Variants in PKD2L2 observed in about 807,000 individuals in gnomAD.
The protein encoded by PKD2L2 is polycystin-2-like protein 2.
A neutral mutation model predicts 83.9 loss-of-function variants in PKD2L2; 67 were observed. The ratio of observed to expected loss-of-function variants is 0.80; its 90% CI spans 0.66 to 0.98. The LOEUF (loss-of-function observed/expected upper bound fraction) is 0.98, where lower values mean the gene tolerates loss of function less well. Ranked by LOEUF, PKD2L2 falls within the 50% of genes least tolerant of loss-of-function variation. The probability of loss-of-function intolerance (pLI) is 0.00; values close to 1 mark genes in which losing one functional copy is unlikely to be tolerated. For synonymous variants in PKD2L2, 223 were observed against 237.8 expected, an observed-to-expected ratio of 0.94 and a Z score of 0.57; for missense variants, 632 against 717.2, an observed-to-expected ratio of 0.88 and a Z score of 1.36.
At chr5:137,905,133 T>C (rs1382226919) in intron 5 of PKD2L2, among the ~76,000 whole-genome samples, 3 of 152,204 alleles carry the variant, frequency 2.0e-5, no homozygotes, top group Non-Finnish European at 4.4e-5. Flanking sequence ...GCCCTTGTAA[T>C]ATAAGATTAA....
chr5:137,900,556 G>A (rs533808856), intron 5 of PKD2L2, among the ~76,000 whole-genome samples: 86 of 152,186 alleles, frequency 5.7e-4, no homozygotes, highest in Non-Finnish European at 1.1e-3. Flanking sequence ...AGAAACTAAG[G>A]ACCATTGCCC....
intron 4 of PKD2L2, among the ~76,000 whole-genome samples, chr5:137,897,047 AT>A (rs1756542576): frequency 6.9e-6 from 1 of 145,802 alleles, no homozygotes; most frequent in Non-Finnish European, 1.5e-5. Flanking sequence ...TATTATTATT[AT>A]TATTATTATT....
chr5:137,924,471 T>G (rs527601550), intron 10 of PKD2L2, among the ~76,000 whole-genome samples: 2 of 152,052 alleles, frequency 1.3e-5, no homozygotes, highest in South Asian at 4.2e-4. Context: ...CCTGTCCTCT[T>G]CTCAGTATCT....
In PKD2L2 at chr5:137,892,524, GTTA is replaced by G; in HGVS notation, c.180_182del (p.Met61del). 3.1e-6 allele frequency: 5 copies of G among 1,603,546 alleles called. No homozygotes were observed. Among genetic ancestry groups the G allele is most frequent in the Non-Finnish European group, 4.3e-6 (5 of 1,172,254 alleles). On this transcript the variant is annotated inframe_deletion, in exon 3 of 15. Transcript: ENST00000508883. ...CCCACATATGTATTACTTAAACAAG[GTTA>G]TGTCATCTCTATTTTTGGACACTTC...
rs767032812 is a variant in PKD2L2, at chr5:137,936,442, T to C, written c.*17+15T>C. 2.8e-5 allele frequency: 43 copies of C among 1,524,946 alleles called. No individual in the cohort carries two copies. Among genetic ancestry groups the C allele is most frequent in the South Asian group, 1.2e-5 (1 of 81,412 alleles). The allele number at this position is 1,524,946 out of a possible 1,614,324, so 94.5% of individuals were successfully genotyped here. On this transcript the variant is annotated intron_variant, in intron 14 of 14. Coordinates refer to ENST00000508883, the MANE Select transcript of PKD2L2 (RefSeq NM_001300921.2). ...GACAAGTGGAGGTAAGAATCTGTGA[T>C]GCAATCATTGAGCATTTCTTTTTTT...
chr5:137,922,761 T>G (rs769117475), intron 9 of PKD2L2, among the ~76,000 whole-genome samples: 16 of 152,076 alleles, frequency 1.1e-4, no homozygotes, highest in Non-Finnish European at 1.8e-4. Flanking sequence ...AAAATGCCCT[T>G]ATGAACACAT....
intron 5 of PKD2L2, among the ~76,000 whole-genome samples, chr5:137,901,399 T>G (rs1756945398): frequency 1.1e-5 from 1 of 92,548 alleles, no homozygotes. Context: ...CAGACAATAG[T>G]GCCCTATTCT....
intron 14 of PKD2L2, chr5:137,938,671 T>G (rs184076564): frequency 6.7e-6 from 1 of 148,784 alleles, no homozygotes; most frequent in Non-Finnish European, 1.5e-5. Flanking sequence ...GAAAAAGGCA[T>G]TGCACACACG....
At chr5:137,915,636 G>A (rs935573161) in intron 8 of PKD2L2, among the ~76,000 whole-genome samples, 1 of 152,018 alleles carries the variant, frequency 6.6e-6, no homozygotes, top group Non-Finnish European at 1.5e-5. Context: ...GGTCAAGCTG[G>A]TATCGAACTC....
chr5:137,941,732 G>A (rs1673479645), intron 14 of PKD2L2, among the ~76,000 whole-genome samples: 2 of 152,120 alleles, frequency 1.3e-5, no homozygotes, highest in South Asian at 4.1e-4. Flanking sequence ...AGGACAATCC[G>A]AAAATAGTTA....
In PKD2L2 at chr5:137,908,787, A is replaced by T. The variant is rs371952037; in HGVS notation, c.1169A>T (p.Asn390Ile). 1 of 1,562,786 alleles carries T rather than the reference A, an allele frequency of 6.4e-7. No individual in the cohort carries two copies. Among genetic ancestry groups the T allele is most frequent in the African/African-American group, 1.4e-5 (1 of 73,086 alleles). The stretch of plus-strand genomic sequence containing the variant: ...CAGATATTCAAATTCATAAGCTTTA[A>T]CAAGACAATGTCTCAGCTGTCATCA... ...WIKIFKFISF[N>I]KTMSQLSSTL... is the part of the protein sequence containing the mutation. The change falls in exon 8 of 15, where the codon AAC becomes ATC. Residue 390 changes from asparagine (N) to isoleucine (I), a missense_variant. Asn to Ile is a moderately radical substitution (Grantham distance 149, BLOSUM62 -3). Coordinates refer to ENST00000508883, the MANE Select transcript of PKD2L2 (RefSeq NM_001300921.2).
intron 6 of PKD2L2, among the ~76,000 whole-genome samples, chr5:137,907,156 G>A (rs1020972011): frequency 1.3e-5 from 2 of 152,176 alleles, no homozygotes; most frequent in African/African-American, 4.8e-5. Context: ...GAAGGTTTCT[G>A]AGAGTCAGAA....
At chr5:137,924,034 T>C (rs1457398102) in intron 10 of PKD2L2, among the ~76,000 whole-genome samples, 1 of 152,190 alleles carries the variant, frequency 6.6e-6, no homozygotes, top group East Asian at 1.9e-4. Flanking sequence ...ACATGTATAG[T>C]TTATCTCTGC....
chr5:137,894,170 C>G (rs530582629), intron 3 of PKD2L2, among the ~76,000 whole-genome samples, 183 bp from the exon 4 acceptor site: 39 of 152,296 alleles, frequency 2.6e-4, no homozygotes, highest in Middle Eastern at 3.4e-3. Flanking sequence ...GCCTAGTACA[C>G]AGTACGTGCT....
chr5:137,899,209 C>T (rs967309774), intron 4 of PKD2L2, among the ~76,000 whole-genome samples: 8 of 152,106 alleles, frequency 5.3e-5, no homozygotes, highest in African/African-American at 1.7e-4. Flanking sequence ...CTCAACCTCC[C>T]GGGCCCAAAC....
chr5:137,907,306 C>T (rs1233257835), intron 6 of PKD2L2, among the ~76,000 whole-genome samples: 3 of 152,102 alleles, frequency 2.0e-5, no homozygotes, highest in African/African-American at 7.2e-5. Context: ...GCTAAAACAA[C>T]CTGGTTCTGA....
chr5:137,926,783 G>A (rs565655792), intron 12 of PKD2L2, among the ~76,000 whole-genome samples: 6 of 152,306 alleles, frequency 3.9e-5, no homozygotes, highest in Admixed American at 6.5e-5. Flanking sequence ...CCACTTAAAT[G>A]CGTAATGTTT....
At chr5:137,914,010 G>A (rs532040424) in intron 8 of PKD2L2, among the ~76,000 whole-genome samples, 28 of 126,668 alleles carry the variant, frequency 2.2e-4, no homozygotes, top group Middle Eastern at 5.4e-3. Context: ...AGAGATTACA[G>A]TCATGCACCA....
intron 7 of PKD2L2, among the ~76,000 whole-genome samples, chr5:137,908,399 C>T (rs762967977): frequency 3.3e-5 from 5 of 152,050 alleles, no homozygotes; most frequent in Non-Finnish European, 7.4e-5. Context: ...ACCAGCCTGG[C>T]CAACATGGTG....
Sources: gnomAD v4.1 joint callset for allele counts (sites outside exome capture counted in the v4.1 genomes callset) on GRCh38, gnomAD v4.1.1 for gene constraint, MANE v1.5 for transcripts, NCBI Gene and HGNC (gene_info 2026-07-23, HGNC 2026-07-21) for gene names.